The following PRPF8 variants were observed in gnomAD, a reference collection of about 807,000 sequenced individuals.
PRPF8 encodes the protein pre-mRNA processing factor 8.
In PRPF8, 64 loss-of-function variants were observed where a neutral mutation model predicts 285.9. The observed-to-expected ratio is 0.22, with a 90% CI of 0.18 to 0.28. The LOEUF (loss-of-function observed/expected upper bound fraction) is 0.28. Ranked by LOEUF, PRPF8 falls within the 10% of genes least tolerant of loss-of-function variation. The pLI, the probability that PRPF8 is intolerant of heterozygous loss-of-function variation, is 1.00. For synonymous variants in PRPF8, 1,325 were observed against 1,118.2 expected (o/e 1.18, Z -3.69); for missense variants, 1,426 against 3,026.7 (o/e 0.47, Z 12.41).
At chr17:1,655,014 A>G (rs1050218150) in intron 37 of PRPF8, 1 of 301,020 alleles carries the variant, frequency 3.3e-6, no homozygotes, top group Non-Finnish European at 6.4e-6. Context: ...GCTGGAGTGC[A>G]GTGGCATGAT....
At chr17:1,683,401 G>T in intron 3 of PRPF8, 132 bp downstream of exon 3, 1 of 973,670 alleles carries the variant, frequency 1.0e-6, no homozygotes, top group South Asian at 1.3e-5. Context: ...AATTATCAGA[G>T]ACTCCTACTG....
chr17:1,662,206 G>C, intron 24 of PRPF8, 53 bp from the exon 25 acceptor site: 1 of 1,602,690 alleles, frequency 6.2e-7, no homozygotes, highest in East Asian at 2.2e-5. Flanking sequence ...GGCGGGGAGG[G>C]TGGAGACTAC....
chr17:1,661,770 A>G lies in PRPF8; in HGVS notation c.4043T>C (p.Val1348Ala). 6.2e-7 allele frequency: 1 copy of G among 1,614,224 alleles called. No homozygotes were observed. Residue 1348 changes from valine to alanine, a missense_variant, in exon 26 of 43, where the codon GTA (valine) becomes GCA (alanine). Around this residue, in one of 34 missense-constraint regions of PRPF8, gnomAD observed 16 missense variants for 16.3 expected, o/e 0.98. Coordinates refer to ENST00000304992, the MANE Select transcript of PRPF8 (RefSeq NM_006445.4). This position sits in a 1 kb window ranked among gnomAD's most constrained non-coding sequence, Gnocchi z 7.3. ...TCCTGAACGAAAGTGTGTGATACCTACATCTGTCTGTTTGGACCACCTGTT... is the reference window on the plus strand; with the variant it reads ...TCCTGAACGAAAGTGTGTGATACCTGCATCTGTCTGTTTGGACCACCTGTT... ...SDLRWSKQTDVGITHFRSGMS... is the reference protein window; with the variant it reads ...SDLRWSKQTDAGITHFRSGMS...
At chr17:1,684,259 G>A (rs1356578255) in intron 2 of PRPF8, among the ~76,000 whole-genome samples, 1 of 152,164 alleles carries the variant, frequency 6.6e-6, no homozygotes, top group Non-Finnish European at 1.5e-5. Context: ...ACCCCGTAAG[G>A]ACAGGAATTT....
intron 21 of PRPF8, 30 bp downstream of exon 21, chr17:1,674,412 G>C (rs748394388): frequency 3.7e-6 from 6 of 1,603,942 alleles, no homozygotes; most frequent in Non-Finnish European, 4.3e-6. Context: ...TCAGTACCCT[G>C]CAAGGCTAGG....
At position 1,659,290 on chromosome 17, in the gene PRPF8, T is replaced by C. The variant is rs1567678756; in HGVS notation, c.5138+67A>G. 1.9e-6 allele frequency: 3 copies of C among 1,578,014 alleles called. No homozygotes were observed. The highest frequency in any genetic ancestry group is 1.7e-6 in the Non-Finnish European group (2 of 1,148,944). On this transcript the variant is annotated intron_variant, in intron 32 of 42. Transcript: ENST00000304992. The surrounding 1 kb of genome is among the most constrained non-coding windows in gnomAD (Gnocchi z 5.1). ...ATCTGCCCACCGCGGCCTCCCAAAG[T>C]GCTGGGATTACAGGTGTGAGCCACT...
rs145114613 is a variant in PRPF8 at position 1,681,609 on chromosome 17, G to T, written c.735C>A (p.Leu245=). 1 of 1,613,942 alleles carries T rather than the reference G, an allele frequency of 6.2e-7. No homozygotes were observed. Among genetic ancestry groups the T allele is most frequent in the Non-Finnish European group, 8.5e-7 (1 of 1,179,998 alleles). Residue 245 remains leucine (L), a synonymous_variant, in exon 6 of 43, where the codon CTC becomes CTA. Transcript: ENST00000304992. ...AGTTGTCATCCACCAAGTCTGTCAGGAGCTGATTAGCCAGGCGGTAGAGAG... is the reference window on the plus strand; with the variant it reads ...AGTTGTCATCCACCAAGTCTGTCAGTAGCTGATTAGCCAGGCGGTAGAGAG... ...MSTLYRLANQ[L]LTDLVDDNYF...
rs1912951188 is a variant in PRPF8, at chr17:1,681,885, G to A, written c.588C>T (p.Asp196=). Reference sequence around the variant, plus strand: ...CCAACACAGGGGCGTCCTCCTCAGGGTCCAGCTCTAGCTGAATGGCCTCCA... The same window carrying A: ...CCAACACAGGGGCGTCCTCCTCAGGATCCAGCTCTAGCTGAATGGCCTCCA... The part of the protein sequence containing the change: ...EPLEAIQLEL[D]PEEDAPVLDW... Residue 196 remains aspartate, a synonymous_variant, in exon 5 of 43, where the codon GAC becomes GAT. Coordinates refer to ENST00000304992, the MANE Select transcript of PRPF8 (RefSeq NM_006445.4). 6.2e-7 allele frequency: 1 copy of A among 1,613,784 alleles called. No individual in the cohort carries two copies. Among genetic ancestry groups the A allele is most frequent in the South Asian group, 1.1e-5 (1 of 91,070 alleles).
At position 1,655,461 on chromosome 17, in the gene PRPF8, G is replaced by A; in HGVS notation, c.5876C>T (p.Thr1959Ile). ...RAKVILKPDK[T>I]TITEPHHIWP... ...GATGTGGTGTGGTTCTGTAATAGTAGTCTTGTCTGGCTTCAGGATCACTTT... is the reference window on the plus strand; with the variant it reads ...GATGTGGTGTGGTTCTGTAATAGTAATCTTGTCTGGCTTCAGGATCACTTT... The change falls in exon 37 of 43, where the codon ACT becomes ATT. Residue 1959 changes from threonine to isoleucine, a missense_variant. Physicochemically the swap from Thr to Ile is moderately conservative, Grantham distance 89 (BLOSUM62 -1). This residue lies in a region of PRPF8 where 35 missense variants were observed against 47.7 expected (regional missense o/e 0.73). Coordinates refer to ENST00000304992, the MANE Select transcript of PRPF8 (RefSeq NM_006445.4). 1 of 1,614,054 alleles carries A rather than the reference G, an allele frequency of 6.2e-7. No homozygotes were observed. The highest frequency in any genetic ancestry group is 8.5e-7 in the Non-Finnish European group (1 of 1,179,988).
intron 21 of PRPF8, among the ~76,000 whole-genome samples, chr17:1,674,157 G>T (rs965762800): frequency 6.6e-6 from 1 of 152,104 alleles, no homozygotes; most frequent in Non-Finnish European, 1.5e-5. Flanking sequence ...GGAGTAGCTG[G>T]GACTACAGGC....
Position 1,651,043 on chromosome 17 carries a change from C to G in PRPF8, c.6853+65G>C. On this transcript the variant is annotated intron_variant, in intron 42 of 42. Transcript: ENST00000304992. The surrounding 1 kb of genome is among the most constrained non-coding windows in gnomAD (Gnocchi z 5.1). ...CTCCAAGCCAGCCAGGCCCCAAGTGCAAAGGGCGATGGCCTCACCTTATCC... is the reference window on the plus strand; with the variant it reads ...CTCCAAGCCAGCCAGGCCCCAAGTGGAAAGGGCGATGGCCTCACCTTATCC... 1 of 1,613,852 alleles carries G rather than the reference C, an allele frequency of 6.2e-7. No homozygotes were observed. The highest frequency in any genetic ancestry group is 8.5e-7 in the Non-Finnish European group (1 of 1,179,724).
In PRPF8 at chr17:1,679,930, C is replaced by A; in HGVS notation, c.1099-131G>T. The A allele has an allele frequency of 9.4e-7, 1 of 1,060,730 alleles. No homozygotes were observed. The highest frequency in any genetic ancestry group is 1.5e-6 in the Non-Finnish European group (1 of 686,298). 65.7% of individuals were successfully genotyped at this position (1,060,730 alleles called of 1,614,324 possible). A position where few individuals can be genotyped will look rare whatever the true frequency, so the allele number is the denominator to read the frequency against. ...AAACTGGGCTGTCTGACAAAAGCAGCCCTGAAGTGCCAGCACAAAGGAAAC... is the reference window on the plus strand; with the variant it reads ...AAACTGGGCTGTCTGACAAAAGCAGACCTGAAGTGCCAGCACAAAGGAAAC... On this transcript the variant is annotated intron_variant, in intron 8 of 42. Coordinates refer to ENST00000304992, the MANE Select transcript of PRPF8 (RefSeq NM_006445.4). This position sits in a 1 kb window ranked among gnomAD's most constrained non-coding sequence, Gnocchi z 4.7.
chr17:1,680,353 G>C lies in PRPF8; in HGVS notation c.1098+373C>G, dbSNP rs191175368. 3.9e-5 allele frequency: 14 copies of C among 355,750 alleles called. 1 individual carries two copies. In the East Asian group the frequency reaches 9.5e-4, roughly 24 times the overall value. 22.0% of individuals were successfully genotyped at this position (355,750 alleles called of 1,614,324 possible). ...TATTCTCAAATTGCATGTCGTGACA[G>C]TTGGGACAACTCTGAGAATAAGCTA... On this transcript the variant is annotated intron_variant, in intron 8 of 42. Coordinates refer to ENST00000304992, the MANE Select transcript of PRPF8 (RefSeq NM_006445.4).
At position 1,675,633 on chromosome 17, in the gene PRPF8, G is replaced by A. The variant is rs751631389; in HGVS notation, c.2859C>T (p.Tyr953=). 1.5e-5 allele frequency: 24 copies of A among 1,614,144 alleles called. 1 individual carries two copies. The South Asian group carries it at 2.5e-4, about 17-fold the overall frequency. The change falls in exon 19 of 43, where the codon TAC becomes TAT. Residue 953 remains tyrosine (Y), a synonymous_variant. Transcript: ENST00000304992. The surrounding 1 kb of genome is among the most constrained non-coding windows in gnomAD (Gnocchi z 6.0). ...ADTEPPPLLV[Y]KWCQGINNLQ... ...TGAAAGTTCTACCTTGACACCACTTGTAAACAAGCAGCGGAGGTGGTTCTG... is the reference window on the plus strand; with the variant it reads ...TGAAAGTTCTACCTTGACACCACTTATAAACAAGCAGCGGAGGTGGTTCTG...
Position 1,675,399 on chromosome 17 carries a change from A to G in PRPF8, c.2873-60T>C. On this transcript the variant is annotated intron_variant, in intron 19 of 42. Coordinates refer to ENST00000304992, the MANE Select transcript of PRPF8 (RefSeq NM_006445.4). The surrounding 1 kb of genome is among the most constrained non-coding windows in gnomAD (Gnocchi z 6.0). ...GAAATCCTCTTGCAAGACTAGCCCC[A>G]CAGGAACTATCATTACCTTCCATAA... The G allele has an allele frequency of 1.9e-6, 3 of 1,581,294 alleles. No individual in the cohort carries two copies. The highest frequency in any genetic ancestry group is 2.6e-6 in the Non-Finnish European group (3 of 1,151,658).
intron 24 of PRPF8, among the ~76,000 whole-genome samples, chr17:1,666,236 G>A (rs1292787199): frequency 2.0e-5 from 3 of 151,632 alleles, no homozygotes; most frequent in Non-Finnish European, 4.4e-5. Context: ...GCAAAGGGAT[G>A]GCAATGATAA....
intron 20 of PRPF8, 49 bp from the exon 21 acceptor site, chr17:1,674,729 A>G: frequency 6.4e-7 from 1 of 1,571,820 alleles, no homozygotes. Flanking sequence ...ATGCCCCAGG[A>G]TTCTCCAGAG....
At position 1,658,286 on chromosome 17, in the gene PRPF8, C is replaced by T. The variant is rs776511794; in HGVS notation, c.5472G>A (p.Thr1824=). ...TGQLFLKIIH[T]SVWAGQKRLG... is the part of the protein sequence containing the mutation. ...AACGCTTCTGTCCCGCCCACACGGA[C>T]GTGTGGATTATCTTGAGGAACAGCT... The change falls in exon 34 of 43, where the codon ACG becomes ACA. Residue 1824 remains threonine (T), a synonymous_variant. Coordinates refer to ENST00000304992, the MANE Select transcript of PRPF8 (RefSeq NM_006445.4). This position sits in a 1 kb window ranked among gnomAD's most constrained non-coding sequence, Gnocchi z 4.1. 3.7e-6 allele frequency: 6 copies of T among 1,614,064 alleles called. No homozygotes were observed. In the African/African-American group the frequency reaches 4.0e-5, roughly 11 times the overall value.
Position 1,675,541 on chromosome 17 carries a change from A to G in PRPF8, c.2872+79T>C, listed in dbSNP as rs35570313. 333,709 of 1,573,200 alleles carry G rather than the reference A, an allele frequency of 0.21. 40,856 individuals carry two copies. The highest frequency in any genetic ancestry group is 0.53 in the African/African-American group (38,918 of 73,736). On this transcript the variant is annotated intron_variant, in intron 19 of 42. Transcript: ENST00000304992. The surrounding 1 kb of genome is among the most constrained non-coding windows in gnomAD (Gnocchi z 6.0). ...CACGCATCAAGAGAGTAAACCAATC[A>G]TGCTACCCAGATGAGATTTTTGACG...
Sources: gnomAD v4.1 joint callset for allele counts (sites outside exome capture counted in the v4.1 genomes callset) on GRCh38, gnomAD v4.1.1 for gene constraint, gnomAD v4.1.1 regional missense constraint, Gnocchi (gnomAD v3.1) non-coding constraint, MANE v1.5 for transcripts, NCBI Gene and HGNC (gene_info 2026-07-23, HGNC 2026-07-21) for gene names.